ARHGAP10: variants seen among roughly 807,000 people sequenced by gnomAD.
ARHGAP10 encodes the protein rho GTPase-activating protein 10.
Under a neutral mutation model 108.6 loss-of-function variants are expected in ARHGAP10, and 87 were observed. The ratio of observed to expected loss-of-function variants is 0.80; its 90% confidence interval spans 0.67 to 0.96. The LOEUF (loss-of-function observed/expected upper bound fraction) is 0.96, where lower values mean the gene tolerates loss of function less well. Among genes scored for constraint, ARHGAP10 ranks in the 40% least tolerant of loss-of-function variants. The pLI, the probability that ARHGAP10 is intolerant of heterozygous loss-of-function variation, is 0.00. For synonymous variants in ARHGAP10, 347 were observed against 341.1 expected (o/e 1.02, Z -0.19); for missense variants, 939 against 954.5 (o/e 0.98, Z 0.21).
chr4:147,984,398 C>T (rs1407342302), intron 18 of ARHGAP10, among the ~76,000 whole-genome samples: 1 of 152,224 alleles, frequency 6.6e-6, no homozygotes, highest in Non-Finnish European at 1.5e-5. Context: ...GAGTATGAGA[C>T]GACCCTCTCT....
At position 147,946,673 on chromosome 4, in the gene ARHGAP10, A is replaced by G; in HGVS notation, c.1360A>G (p.Thr454Ala). 1 of 1,612,298 alleles carries G rather than the reference A, an allele frequency of 6.2e-7. No individual in the cohort carries two copies. Among genetic ancestry groups the G allele is most frequent in the South Asian group, 1.1e-5 (1 of 90,550 alleles). Reference sequence around the variant, plus strand: ...GAATTCTGCAGATTGGGAAGTGAAGACAATAACAAGTGCCTTGAAACAGTA... The same window carrying G: ...GAATTCTGCAGATTGGGAAGTGAAGGCAATAACAAGTGCCTTGAAACAGTA... ...LENSADWEVK[T>A]ITSALKQYLR... The change falls in exon 15 of 23, where the codon ACA becomes GCA. Residue 454 changes from threonine to alanine, a missense_variant. Thr to Ala is a moderately conservative substitution (Grantham distance 58). Coordinates refer to ENST00000336498, the MANE Select transcript of ARHGAP10 (RefSeq NM_024605.4).
intron 16 of ARHGAP10, among the ~76,000 whole-genome samples, chr4:147,956,471 A>AT (rs1309428276): frequency 6.6e-6 from 1 of 152,174 alleles, no homozygotes; most frequent in African/African-American, 2.4e-5. Flanking sequence ...TTGTTTTCAC[A>AT]TGGGGAGAGG....
intron 5 of ARHGAP10, chr4:147,858,003 A>G (rs1734164735): frequency 6.5e-6 from 1 of 154,298 alleles, no homozygotes. Flanking sequence ...AAATGAATTG[A>G]ATTTAATAAG....
At chr4:147,957,342 T>C (rs1738822425) in intron 16 of ARHGAP10, among the ~76,000 whole-genome samples, 2 of 152,200 alleles carry the variant, frequency 1.3e-5, no homozygotes, top group African/African-American at 4.8e-5. Context: ...TCTGCACTCA[T>C]TGCCTCTTTT....
intron 1 of ARHGAP10, among the ~76,000 whole-genome samples, chr4:147,784,646 AAT>A (rs1401863542): frequency 1.9e-5 from 1 of 53,898 alleles, no homozygotes; most frequent in Non-Finnish European, 3.2e-5. Context: ...ATAAATATAA[AAT>A]ATATATTATA....
chr4:147,807,078 G>C (rs915616493), intron 1 of ARHGAP10, among the ~76,000 whole-genome samples: 1 of 152,144 alleles, frequency 6.6e-6, no homozygotes, highest in Non-Finnish European at 1.5e-5. Context: ...AACAGTTTGA[G>C]AATGAAACTT....
chr4:147,835,526 A>G (rs1357575021), intron 3 of ARHGAP10, among the ~76,000 whole-genome samples: 1 of 152,092 alleles, frequency 6.6e-6, no homozygotes, highest in Middle Eastern at 3.2e-3. Flanking sequence ...GGCATGTGCC[A>G]CCATGCCTGG....
chr4:147,846,355 T>A (rs758775203), intron 3 of ARHGAP10, among the ~76,000 whole-genome samples: 17 of 152,354 alleles, frequency 1.1e-4, no homozygotes, highest in Non-Finnish European at 1.8e-4. Flanking sequence ...AAATAGTGTT[T>A]CGAGATTTTC....
chr4:147,964,785 G>A (rs1000135568), intron 16 of ARHGAP10, among the ~76,000 whole-genome samples: 4 of 152,164 alleles, frequency 2.6e-5, no homozygotes, highest in East Asian at 1.9e-4. Context: ...AAAAGGCACC[G>A]ATTGCAGCCA....
chr4:147,889,930 A>T (rs966440228), intron 10 of ARHGAP10, among the ~76,000 whole-genome samples: 1 of 152,216 alleles, frequency 6.6e-6, no homozygotes, highest in Non-Finnish European at 1.5e-5. Context: ...TTGTTTGGGA[A>T]GCCCAGAGGT....
intron 1 of ARHGAP10, among the ~76,000 whole-genome samples, chr4:147,752,340 TC>T (rs1246716858): frequency 2.6e-5 from 4 of 152,238 alleles, no homozygotes; most frequent in African/African-American, 9.6e-5. Context: ...GATAGAAACT[TC>T]CTTTAAGCTA....
In ARHGAP10 at chr4:147,965,090, A is replaced by G. The variant is rs182170148; in HGVS notation, c.1517A>G (p.Asn506Ser). 2.0e-5 allele frequency: 32 copies of G among 1,607,728 alleles called. No individual in the cohort carries two copies. The East Asian group carries it at 6.1e-4, about 30-fold the overall frequency. Residue 506 changes from asparagine (N) to serine (S), a missense_variant, in exon 17 of 23, where the codon AAT (asparagine) becomes AGT (serine). Asn to Ser is a conservative substitution (Grantham distance 46). Transcript: ENST00000336498. ...TTGGTACACAAACTGCCAGAGAAGA[A>G]TAAAGAGATGTTGGATATTTTGGTG... ...HFLVHKLPEK[N>S]KEMLDILVKH...
At chr4:147,979,399 A>T (rs565564189) in intron 18 of ARHGAP10, among the ~76,000 whole-genome samples, 1 of 152,056 alleles carries the variant, frequency 6.6e-6, no homozygotes, top group Admixed American at 6.6e-5. Flanking sequence ...GTTCTGTTCC[A>T]TTGGTCTATA....
intron 10 of ARHGAP10, among the ~76,000 whole-genome samples, chr4:147,882,865 G>A (rs570151994): frequency 6.6e-6 from 1 of 152,150 alleles, no homozygotes; most frequent in Non-Finnish European, 1.5e-5. Context: ...TAGAATATTT[G>A]CTTTTTAATG....
intron 1 of ARHGAP10, among the ~76,000 whole-genome samples, chr4:147,817,757 T>C (rs1488000680): frequency 6.6e-6 from 1 of 152,238 alleles, no homozygotes; most frequent in Non-Finnish European, 1.5e-5. Context: ...TTAGCTGTGC[T>C]TTTTGTGCAC....
chr4:148,050,209 A>T (rs1170290677), intron 20 of ARHGAP10, among the ~76,000 whole-genome samples: 2 of 151,244 alleles, frequency 1.3e-5, no homozygotes, highest in Admixed American at 6.6e-5. Context: ...TATTCTTTGA[A>T]CTTTTTTGTG....
At chr4:147,786,395 G>A (rs1730892157) in intron 1 of ARHGAP10, among the ~76,000 whole-genome samples, 1 of 152,116 alleles carries the variant, frequency 6.6e-6, no homozygotes, top group Admixed American at 6.6e-5. Context: ...AGCCTGCTGC[G>A]GCATCCTGAA....
chr4:147,922,245 A>G (rs1201236297), intron 13 of ARHGAP10, among the ~76,000 whole-genome samples: 1 of 151,972 alleles, frequency 6.6e-6, no homozygotes, highest in East Asian at 1.9e-4. Context: ...GAGTGAAGGG[A>G]GGGAGGGAGG....
intron 1 of ARHGAP10, among the ~76,000 whole-genome samples, chr4:147,820,934 A>G (rs976568553): frequency 2.0e-4 from 31 of 152,004 alleles, no homozygotes; most frequent in African/African-American, 7.0e-4. Flanking sequence ...ATTTTTCTTT[A>G]TCAGTTATCT....
Sources: gnomAD v4.1 joint callset for allele counts (sites outside exome capture counted in the v4.1 genomes callset) on GRCh38, gnomAD v4.1.1 for gene constraint, MANE v1.5 for transcripts, NCBI Gene and HGNC (gene_info 2026-07-23, HGNC 2026-07-21) for gene names.